Variants in GRK5 observed in about 807,000 individuals in gnomAD.
GRK5 encodes the protein G protein-coupled receptor kinase 5.
In GRK5, 40 loss-of-function variants were observed where a neutral mutation model predicts 78.4. That is an observed-to-expected ratio of 0.51 (90% CI 0.40 to 0.66). The LOEUF is 0.66. GRK5 is among the 30% of genes least tolerant of loss of function. The pLI, the probability that GRK5 is intolerant of heterozygous loss-of-function variation, is 0.00. For synonymous variants in GRK5, 289 were observed against 296.8 expected, an observed-to-expected ratio of 0.97 and a Z score of 0.27; for missense variants, 598 against 759.9, an observed-to-expected ratio of 0.79 and a Z score of 2.50.
chr10:119,458,385 A>G lies in GRK5; in HGVS notation c.*3318A>G, dbSNP rs1044909071. 2.0e-5 allele frequency: 3 copies of G among 152,248 alleles called. No homozygotes were observed. The highest frequency in any genetic ancestry group is 7.2e-5 in the African/African-American group (3 of 41,436). 9.4% of individuals were successfully genotyped at this position (152,248 alleles called of 1,614,324 possible). A position where few individuals can be genotyped will look rare whatever the true frequency, so the allele number is the denominator to read the frequency against. Reference sequence around the variant, plus strand: ...AGACCCGGTCCCCGCCTTGCGGACGATGCACTCACATGCCACAGCAACCCA... The same window carrying G: ...AGACCCGGTCCCCGCCTTGCGGACGGTGCACTCACATGCCACAGCAACCCA... On this transcript the variant is annotated 3_prime_UTR_variant, in exon 16 of 16. Coordinates refer to ENST00000392870, the MANE Select transcript of GRK5 (RefSeq NM_005308.3).
In GRK5 at chr10:119,267,017, G is replaced by A. The variant is rs1182537964; in HGVS notation, c.52+59048G>A. ...CCAGCACTTTGGGAGGCCGAGGTGC[G>A]CGGATCACCTGAGGTCGGGAGTTCT... On this transcript the variant is annotated intron_variant, in intron 1 of 15. Coordinates refer to ENST00000392870, the MANE Select transcript of GRK5 (RefSeq NM_005308.3). This position sits in a 1 kb window ranked among gnomAD's most constrained non-coding sequence, Gnocchi z 4.1. Among the ~76,000 whole-genome samples the A allele has an allele frequency of 2.0e-5, 3 of 152,070 alleles. No homozygotes were observed. The highest frequency in any genetic ancestry group is 2.1e-4 in the South Asian group (1 of 4,820).
intron 4 of GRK5, among the ~76,000 whole-genome samples, chr10:119,399,852 C>A (rs1176070957): frequency 6.6e-6 from 1 of 152,330 alleles, no homozygotes; most frequent in East Asian, 1.9e-4. Context: ...GGGACCTCTC[C>A]TGTGGCTTCA....
At chr10:119,275,646 C>G (rs1589716796) in intron 1 of GRK5, among the ~76,000 whole-genome samples, 1 of 146,680 alleles carries the variant, frequency 6.8e-6, no homozygotes. Flanking sequence ...CACACACACA[C>G]AGAGTAATGG....
intron 1 of GRK5, among the ~76,000 whole-genome samples, chr10:119,318,212 C>G (rs1850524531): frequency 6.6e-6 from 1 of 152,224 alleles, no homozygotes; most frequent in Admixed American, 6.5e-5. Flanking sequence ...AACAGCAGAG[C>G]CCTGGTTCAG....
intron 1 of GRK5, among the ~76,000 whole-genome samples, chr10:119,266,457 C>T (rs778379343): frequency 2.6e-4 from 40 of 151,254 alleles, no homozygotes; most frequent in Non-Finnish European, 5.3e-4. Context: ...AGCTAGACTC[C>T]GTCTCAAAAA....
At chr10:119,335,697 G>A (rs1850873299) in intron 2 of GRK5, among the ~76,000 whole-genome samples, 1 of 152,234 alleles carries the variant, frequency 6.6e-6, no homozygotes, top group Non-Finnish European at 1.5e-5. Context: ...CTGGCTAACA[G>A]ATACTTGTTA....
chr10:119,269,832 TAAAAAAAA>T, intron 1 of GRK5, among the ~76,000 whole-genome samples: 1 of 96,130 alleles, frequency 1.0e-5, no homozygotes, highest in South Asian at 3.7e-4. Context: ...GACTCCATCT[TAAAAAAAA>T]AAAAAAAAAA....
chr10:119,387,716 G>T (rs1270267361), intron 3 of GRK5, among the ~76,000 whole-genome samples: 3 of 152,182 alleles, frequency 2.0e-5, no homozygotes, highest in African/African-American at 7.2e-5. Flanking sequence ...TGGCTCATTT[G>T]AAACCATCTT....
intron 1 of GRK5, among the ~76,000 whole-genome samples, chr10:119,314,458 T>G (rs999271979): frequency 3.3e-5 from 5 of 152,170 alleles, no homozygotes; most frequent in Admixed American, 3.3e-4. Flanking sequence ...AGCCGCGGAA[T>G]GCACCCTTGG....
intron 1 of GRK5, among the ~76,000 whole-genome samples, chr10:119,228,998 G>C (rs1848784345): frequency 6.6e-6 from 1 of 152,078 alleles, no homozygotes; most frequent in Admixed American, 6.6e-5. Flanking sequence ...TTGATGGACT[G>C]TAAATACACA....
intron 1 of GRK5, among the ~76,000 whole-genome samples, chr10:119,323,347 G>A (rs1850618086): frequency 6.6e-6 from 1 of 152,226 alleles, no homozygotes. Flanking sequence ...GGTGCTTCAT[G>A]CCTGCCAGGT....
chr10:119,346,057 C>T (rs999386603), intron 2 of GRK5, among the ~76,000 whole-genome samples: 1 of 151,888 alleles, frequency 6.6e-6, no homozygotes, highest in African/African-American at 2.4e-5. Flanking sequence ...GGAACCCTTG[C>T]CATGGGGAGC....
chr10:119,373,307 G>A (rs1851576084), intron 2 of GRK5, among the ~76,000 whole-genome samples: 1 of 152,212 alleles, frequency 6.6e-6, no homozygotes. Context: ...GTTTGGCTAT[G>A]TCCCCACCTA....
At chr10:119,260,887 T>C (rs1320702446) in intron 1 of GRK5, among the ~76,000 whole-genome samples, 1 of 151,856 alleles carries the variant, frequency 6.6e-6, no homozygotes, top group Non-Finnish European at 1.5e-5. Flanking sequence ...AAACCGCCAT[T>C]GTCATCATGG....
At chr10:119,321,797 G>A (rs144923461) in intron 1 of GRK5, among the ~76,000 whole-genome samples, 206 of 152,254 alleles carry the variant, frequency 1.4e-3, no homozygotes, top group African/African-American at 4.8e-3. Context: ...AGTGAGCCCA[G>A]GCCGTAGCTG....
intron 1 of GRK5, among the ~76,000 whole-genome samples, chr10:119,252,360 G>T (rs759227370): frequency 6.6e-6 from 1 of 152,196 alleles, no homozygotes; most frequent in Non-Finnish European, 1.5e-5. Context: ...AAGTTGCCAG[G>T]AGAGGCTTTC....
chr10:119,318,133 G>A lies in GRK5; in HGVS notation c.53-8383G>A, dbSNP rs539209706. ...CATGGAACCTTCCTCAGTTTCCCCCGTGGAACCTTTCTCTGATCGATTGCA... is the reference window on the plus strand; with the variant it reads ...CATGGAACCTTCCTCAGTTTCCCCCATGGAACCTTTCTCTGATCGATTGCA... On this transcript the variant is annotated intron_variant, in intron 1 of 15. Transcript: ENST00000392870. 5.3e-5 allele frequency among the ~76,000 whole-genome samples: 8 copies of A among 152,004 alleles called. No homozygotes were observed. The South Asian group carries it at 6.2e-4, about 12-fold the overall frequency.
chr10:119,247,751 G>T (rs912000989), intron 1 of GRK5, among the ~76,000 whole-genome samples: 1 of 152,206 alleles, frequency 6.6e-6, no homozygotes, highest in African/African-American at 2.4e-5. Context: ...TGCTCAGAGA[G>T]CTCAAAGTGT....
intron 6 of GRK5, among the ~76,000 whole-genome samples, chr10:119,427,551 T>C (rs532818123): frequency 1.3e-4 from 20 of 149,738 alleles, no homozygotes; most frequent in Non-Finnish European, 2.4e-4. Flanking sequence ...ACCACCATCC[T>C]CAGTATCACC....
Sources: gnomAD v4.1 joint callset for allele counts (sites outside exome capture counted in the v4.1 genomes callset) on GRCh38, gnomAD v4.1.1 for gene constraint, Gnocchi (gnomAD v3.1) non-coding constraint, MANE v1.5 for transcripts, NCBI Gene and HGNC (gene_info 2026-07-23, HGNC 2026-07-21) for gene names.